Variants in C12orf42 observed in about 807,000 individuals in gnomAD.
The protein encoded by C12orf42 is chromosome 12 open reading frame 42, also known as uncharacterized protein C12orf42.
Under a neutral mutation model 21.6 loss-of-function variants are expected in C12orf42, and 25 were observed. The observed-to-expected ratio is 1.16, with a 90% CI of 0.84 to 1.62. The LOEUF (loss-of-function observed/expected upper bound fraction) is 1.62, where lower values mean the gene tolerates loss of function less well. Among genes scored for constraint, C12orf42 ranks in the 40% most tolerant of loss-of-function variants. C12orf42 has a pLI of 0.00. For synonymous variants in C12orf42, 174 were observed against 175.0 expected, an observed-to-expected ratio of 0.99 and a Z score of 0.05; for missense variants, 483 against 459.3, an observed-to-expected ratio of 1.05 and a Z score of -0.47.
chr12:103,319,474 T>C (rs1003363274), intron 4 of C12orf42, among the ~76,000 whole-genome samples: 1 of 152,226 alleles, frequency 6.6e-6, no homozygotes, highest in Non-Finnish European at 1.5e-5. Context: ...GAGCTTCAAC[T>C]TGTATGAACA....
the C12orf42 span, among the ~76,000 whole-genome samples, chr12:103,199,924 G>T: frequency 4.0e-4 from 61 of 152,220 alleles, no homozygotes; most frequent in Admixed American, 1.3e-3. Context: ...CGGTTTGGAG[G>T]TCCCCAGAAA....
the C12orf42 span, among the ~76,000 whole-genome samples, chr12:103,226,112 T>G: frequency 6.6e-6 from 1 of 152,180 alleles, no homozygotes; most frequent in Non-Finnish European, 1.5e-5. Context: ...GGGCATTCCT[T>G]GGCCCAGTGG....
intron 4 of C12orf42, among the ~76,000 whole-genome samples, chr12:103,347,782 C>A (rs2042764137): frequency 6.6e-6 from 1 of 152,126 alleles, no homozygotes; most frequent in African/African-American, 2.4e-5. Context: ...CCCCAACTGA[C>A]TAAAAAACAG....
chr12:103,549,454 T>C, the C12orf42 span: 7 of 152,100 alleles, frequency 4.6e-5, no homozygotes, highest in East Asian at 1.3e-3. Flanking sequence ...TACATGCACT[T>C]GTTTGTGTGT....
chr12:103,344,841 A>G (rs1057257040), intron 4 of C12orf42, among the ~76,000 whole-genome samples: 1 of 152,218 alleles, frequency 6.6e-6, no homozygotes, highest in African/African-American at 2.4e-5. Context: ...GATACAAAAA[A>G]GAGAAGTCAC....
chr12:103,362,463 C>A (rs573188190), intron 4 of C12orf42, among the ~76,000 whole-genome samples: 13 of 152,088 alleles, frequency 8.5e-5, no homozygotes, highest in Admixed American at 7.9e-4. Flanking sequence ...TACCACCCCC[C>A]AAAAAAATCA....
chr12:103,047,930 T>G, the C12orf42 span, among the ~76,000 whole-genome samples: 1 of 152,192 alleles, frequency 6.6e-6, no homozygotes, highest in South Asian at 2.1e-4. Context: ...TAATGTCACT[T>G]TTGCCATATT....
the C12orf42 span, among the ~76,000 whole-genome samples, chr12:103,206,167 C>T: frequency 1.3e-5 from 2 of 152,338 alleles, no homozygotes; most frequent in South Asian, 2.1e-4. Context: ...CAGCACTCAA[C>T]GCCAAAGGGC....
the C12orf42 span, among the ~76,000 whole-genome samples, chr12:103,225,539 C>G: frequency 4.0e-4 from 61 of 151,690 alleles, no homozygotes; most frequent in African/African-American, 1.3e-3. Flanking sequence ...TGGGGGGATA[C>G]AAGAGGAGGA....
chr12:103,369,984 A>G lies in C12orf42; in HGVS notation c.148-986T>C, dbSNP rs115797189. On this transcript the variant is annotated intron_variant, in intron 3 of 5. Coordinates refer to ENST00000548883, the MANE Select transcript of C12orf42 (RefSeq NM_198521.5). ...AAAGTATTTGCAAACTATGCTTCCA[A>G]CAATGGTCTAATACCCAGAATCTAT... Among the ~76,000 whole-genome samples, 742 of 152,292 alleles carry G rather than the reference A, an allele frequency of 4.9e-3. 10 individuals carry two copies. The highest frequency in any genetic ancestry group is 0.017 in the African/African-American group (703 of 41,572).
the C12orf42 span, among the ~76,000 whole-genome samples, chr12:103,063,924 C>A: frequency 6.6e-6 from 1 of 152,168 alleles, no homozygotes; most frequent in Non-Finnish European, 1.5e-5. Flanking sequence ...AGTAGCGACT[C>A]TGCATTTAAT....
chr12:103,160,099 G>A, the C12orf42 span, among the ~76,000 whole-genome samples: 1 of 152,134 alleles, frequency 6.6e-6, no homozygotes, highest in Non-Finnish European at 1.5e-5. Flanking sequence ...AACTGATAAT[G>A]AGCATTGCGC....
At chr12:103,457,783 G>C (rs1229591425) in intron 2 of C12orf42, among the ~76,000 whole-genome samples, 2 of 152,180 alleles carry the variant, frequency 1.3e-5, no homozygotes, top group Non-Finnish European at 2.9e-5. Context: ...TCCTGGCAGG[G>C]GGTGGGGGGA....
intron 3 of C12orf42, among the ~76,000 whole-genome samples, chr12:103,376,617 T>C (rs2045719834): frequency 6.6e-6 from 1 of 152,180 alleles, no homozygotes; most frequent in African/African-American, 2.4e-5. Context: ...CAAAAGCTGG[T>C]GTAGTCTGAT....
At chr12:103,458,175 ACT>A (rs1290447716) in intron 2 of C12orf42, among the ~76,000 whole-genome samples, 2 of 152,108 alleles carry the variant, frequency 1.3e-5, no homozygotes, top group Non-Finnish European at 1.5e-5. Context: ...TACTGAAAAG[ACT>A]CTGTGTCTGT....
chr12:103,067,112 C>A, the C12orf42 span, among the ~76,000 whole-genome samples: 2 of 152,184 alleles, frequency 1.3e-5, no homozygotes, highest in East Asian at 3.9e-4. Flanking sequence ...AGTAATCAGC[C>A]AGCTACCTGA....
At chr12:103,162,206 C>T in the C12orf42 span, among the ~76,000 whole-genome samples, 112 of 152,262 alleles carry the variant, frequency 7.4e-4, no homozygotes, top group African/African-American at 2.5e-3. Context: ...AAGCAGCACT[C>T]GGTAAAGAGG....
At chr12:103,113,017 C>T in the C12orf42 span, among the ~76,000 whole-genome samples, 1 of 151,898 alleles carries the variant, frequency 6.6e-6, no homozygotes, top group African/African-American at 2.4e-5. Flanking sequence ...TTGTAGAGTC[C>T]CAAGGCTATG....
intron 4 of C12orf42, among the ~76,000 whole-genome samples, chr12:103,350,771 T>C (rs572991839): frequency 6.6e-6 from 1 of 152,296 alleles, no homozygotes; most frequent in East Asian, 1.9e-4. Context: ...TTGATAATGT[T>C]CTTTTCTCTC....
Sources: allele counts gnomAD v4.1 joint callset (sites outside exome capture counted in the v4.1 genomes callset), GRCh38; gene constraint gnomAD v4.1.1; transcripts MANE v1.5; gene names NCBI Gene and HGNC (gene_info 2026-07-23, HGNC 2026-07-21).